The following ZNF730 variants were observed in gnomAD, a reference collection of about 807,000 sequenced individuals.
ZNF730 encodes the protein zinc finger protein 730, also known as putative zinc finger protein 730.
A neutral mutation model predicts 12.6 loss-of-function variants in ZNF730; 12 were observed. The ratio of observed to expected loss-of-function variants is 0.95; its 90% CI spans 0.61 to 1.54. The LOEUF (loss-of-function observed/expected upper bound fraction) is 1.54, where lower values mean the gene tolerates loss of function less well. Among genes scored for constraint, ZNF730 ranks in the 40% most tolerant of loss-of-function variants. The pLI, the probability that ZNF730 is intolerant of heterozygous loss-of-function variation, is 0.00. For synonymous variants in ZNF730, 194 were observed against 195.8 expected (o/e 0.99, Z 0.08); for missense variants, 643 against 583.5 (o/e 1.10, Z -1.05).
chr19:23,126,636 A>G, intron 1 of ZNF730: 1 of 499,304 alleles, frequency 2.0e-6, no homozygotes, highest in Non-Finnish European at 3.9e-6. Context: ...TGCATGCTTC[A>G]GTTCTAACTC....
chr19:23,134,264 G>T, intron 2 of ZNF730, 58 bp downstream of exon 2: 5 of 1,371,182 alleles, frequency 3.6e-6, no homozygotes, highest in Non-Finnish European at 2.9e-6. Flanking sequence ...ATTTATTTTT[G>T]TAAAAATTCT....
At chr19:23,139,981 G>A (rs554113671) in intron 3 of ZNF730, among the ~76,000 whole-genome samples, 3 of 152,106 alleles carry the variant, frequency 2.0e-5, no homozygotes, top group East Asian at 3.9e-4. Context: ...AGTTTTAGGC[G>A]GTTTGCAACT....
rs78288480 is a variant in ZNF730 at position 23,118,334 on chromosome 19, G to C, written c.3+1158G>C. On this transcript the variant is annotated intron_variant, in intron 1 of 3. Coordinates refer to ENST00000597761, the MANE Select transcript of ZNF730 (RefSeq NM_001277403.2). ...TGTCTCCCCTAGGCACAGAGATCTT[G>C]TGAAAGTGTTTTGGGGTCAAGTTTG... 1.5e-3 allele frequency among the ~76,000 whole-genome samples: 225 copies of C among 149,276 alleles called. 6 individuals carry two copies. The East Asian group carries it at 0.04, about 27-fold the overall frequency.
chr19:23,097,388 A>G (rs182388362), intron 1 of ZNF730, among the ~76,000 whole-genome samples: 1 of 151,918 alleles, frequency 6.6e-6, no homozygotes, highest in East Asian at 2.0e-4. Flanking sequence ...GGGGATAATG[A>G]TATATATTGC....
At chr19:23,111,714 A>T (rs1970462346) in intron 1 of ZNF730, among the ~76,000 whole-genome samples, 1 of 151,788 alleles carries the variant, frequency 6.6e-6, no homozygotes, top group Non-Finnish European at 1.5e-5. Context: ...ACACCACTGC[A>T]CTCCAGTCTG....
chr19:23,145,302 G>C lies in ZNF730; in HGVS notation c.258G>C (p.Trp86Cys). 1 of 1,567,626 alleles carries C rather than the reference G, an allele frequency of 6.4e-7. No individual in the cohort carries two copies. The highest frequency in any genetic ancestry group is 8.6e-7 in the Non-Finnish European group (1 of 1,160,558). Reference protein sequence around the residue: ...VICSHIAQDLWPEQGIKDYFQ... With the variant: ...VICSHIAQDLCPEQGIKDYFQ... ...GTTCTCATATTGCCCAAGACCTTTG[G>C]CCAGAGCAAGGCATAAAAGATTATT... Residue 86 changes from tryptophan to cysteine, a missense_variant, in exon 4 of 4, where the codon TGG (tryptophan) becomes TGC (cysteine). Transcript: ENST00000597761.
At chr19:23,128,149 G>C (rs1173767023) in intron 1 of ZNF730, 2 of 904,060 alleles carry the variant, frequency 2.2e-6, no homozygotes, top group Non-Finnish European at 3.6e-6. Context: ...TAAAGTTTTT[G>C]GTTCCCTGAA....
intron 1 of ZNF730, among the ~76,000 whole-genome samples, chr19:23,103,981 C>G (rs1970363367): frequency 6.6e-6 from 1 of 151,948 alleles, no homozygotes; most frequent in Non-Finnish European, 1.5e-5. Flanking sequence ...TTTCTGATAG[C>G]CTTGGAGATT....
Position 23,146,928 on chromosome 19 carries a change from CT to C in ZNF730, c.*376del. 2.3e-6 allele frequency: 1 copy of C among 432,572 alleles called. No homozygotes were observed. 26.8% of individuals were successfully genotyped at this position (432,572 alleles called of 1,614,324 possible). ...ACAGTGCTTTTGACAACACCTCAAA[CT>C]TTTCCAGATGTCAAAGAAATGCTGG... On this transcript the variant is annotated 3_prime_UTR_variant, in exon 4 of 4. Transcript: ENST00000597761.
Position 23,111,209 on chromosome 19 carries a change from A to G in ZNF730, c.-93-22871A>G, listed in dbSNP as rs1004925923. 1.2e-4 allele frequency among the ~76,000 whole-genome samples: 19 copies of G among 152,280 alleles called. No homozygotes were observed. The East Asian group carries it at 3.7e-3, about 29-fold the overall frequency. ...AGGTTAAGACCAATTTTTTTTGTCA[A>G]GCATATAATCCCAATAAGACAATCA... On this transcript the variant is annotated intron_variant, in intron 1 of 2. Coordinates refer to the ZNF730 transcript ENST00000593635.
intron 1 of ZNF730, among the ~76,000 whole-genome samples, chr19:23,102,731 A>G (rs943058056): frequency 1.3e-5 from 2 of 151,968 alleles, no homozygotes; most frequent in East Asian, 1.9e-4. Flanking sequence ...CCGTACTTCA[A>G]GTGATCTGCC....
intron 1 of ZNF730, among the ~76,000 whole-genome samples, chr19:23,086,278 T>C (rs951223001): frequency 2.0e-5 from 3 of 152,266 alleles, no homozygotes; most frequent in Non-Finnish European, 4.4e-5. Context: ...CTGTTCATAG[T>C]TTCTTTTGCT....
At chr19:23,099,350 A>G (rs1970301566) in intron 1 of ZNF730, among the ~76,000 whole-genome samples, 1 of 152,142 alleles carries the variant, frequency 6.6e-6, no homozygotes, top group South Asian at 2.1e-4. Context: ...ACTCATGCAT[A>G]CCATATAAAG....
At chr19:23,112,735 GA>G (rs35045584), upstream of ZNF730, among the ~76,000 whole-genome samples, 81,787 of 140,334 alleles carry the variant, frequency 0.58, 24,325 homozygotes, top group East Asian at 0.74. Flanking sequence ...AAAAATAGAA[GA>G]AAAAAAAAAA....
At chr19:23,104,745 G>C (rs1438307814) in intron 1 of ZNF730, among the ~76,000 whole-genome samples, 6 of 152,178 alleles carry the variant, frequency 3.9e-5, no homozygotes, top group Non-Finnish European at 5.9e-5. Flanking sequence ...AAAGAGTCAA[G>C]CTTGACTTGC....
chr19:23,108,772 CAG>C (rs1162070991), intron 1 of ZNF730, among the ~76,000 whole-genome samples: 3 of 152,090 alleles, frequency 2.0e-5, no homozygotes, highest in Admixed American at 1.3e-4. Context: ...GTTTTTGAGA[CAG>C]AGTCTCACTC....
At chr19:23,127,317 A>G (rs965962375) in intron 1 of ZNF730, 5 of 685,458 alleles carry the variant, frequency 7.3e-6, no homozygotes, top group Non-Finnish European at 1.3e-5. Context: ...AAATTTAAAT[A>G]TTTTCTCAAA....
intron 1 of ZNF730, among the ~76,000 whole-genome samples, chr19:23,084,564 T>G (rs888344966): frequency 1.3e-5 from 2 of 152,180 alleles, no homozygotes; most frequent in Non-Finnish European, 2.9e-5. Context: ...TTGTAAAGAT[T>G]AAGCCTAAGT....
At chr19:23,114,151 T>G (rs569968766), upstream of ZNF730, among the ~76,000 whole-genome samples, 3 of 152,138 alleles carry the variant, frequency 2.0e-5, no homozygotes, top group Non-Finnish European at 2.9e-5. Context: ...TCACCTTGCT[T>G]CTTCTGTCCA....
Sources: allele counts gnomAD v4.1 joint callset (sites outside exome capture counted in the v4.1 genomes callset), GRCh38; gene constraint gnomAD v4.1.1; transcripts MANE v1.5; gene names NCBI Gene and HGNC (gene_info 2026-07-23, HGNC 2026-07-21).